CYP2C18: variants seen among roughly 807,000 people sequenced by gnomAD.
CYP2C18 encodes the protein cytochrome P450 2C18.
Under a neutral mutation model 41.3 loss-of-function variants are expected in CYP2C18, and 38 were observed. That is an observed-to-expected ratio of 0.92 (90% CI 0.71 to 1.21). The LOEUF is 1.21. Ranked by LOEUF, CYP2C18 falls within the 50% of genes most tolerant of loss-of-function variation. CYP2C18 has a pLI of 0.00. For synonymous variants in CYP2C18, 236 were observed against 210.0 expected, an observed-to-expected ratio of 1.12 and a Z score of -1.07; for missense variants, 635 against 591.4, an observed-to-expected ratio of 1.07 and a Z score of -0.77.
In CYP2C18 at chr10:94,724,394, C is replaced by T. The variant is rs1250114681; in HGVS notation, c.1010C>T (p.Pro337Leu). Residue 337 changes from proline to leucine, a missense_variant, in exon 7 of 9, where the codon CCC (proline) becomes CTC (leucine). Pro to Leu is a moderately conservative substitution (Grantham distance 98). Coordinates refer to ENST00000285979, the MANE Select transcript of CYP2C18 (RefSeq NM_000772.3). ...IECVVGRNRS[P>L]CMQDRSHMPY... ...TGTGTAGTTGGCAGAAACCGGAGCC[C>T]CTGTATGCAGGACAGGAGTCACATG... 6.2e-7 allele frequency: 1 copy of T among 1,613,424 alleles called. No homozygotes were observed. The highest frequency in any genetic ancestry group is 1.1e-5 in the South Asian group (1 of 91,046).
At chr10:94,686,366 A>G (rs1332348999) in intron 1 of CYP2C18, among the ~76,000 whole-genome samples, 1 of 152,188 alleles carries the variant, frequency 6.6e-6, no homozygotes, top group Non-Finnish European at 1.5e-5. Context: ...TCCTACATGA[A>G]TACATCCTTT....
chr10:94,705,680 GC>G (rs1368263284), intron 4 of CYP2C18, among the ~76,000 whole-genome samples: 1 of 152,020 alleles, frequency 6.6e-6, no homozygotes, highest in Non-Finnish European at 1.5e-5. Flanking sequence ...GGAGAGATGG[GC>G]CCATGGAACT....
intron 5 of CYP2C18, among the ~76,000 whole-genome samples, chr10:94,714,769 A>G (rs1288296254): frequency 6.6e-6 from 1 of 152,196 alleles, no homozygotes; most frequent in African/African-American, 2.4e-5. Context: ...TACCTTGGGA[A>G]GTATGGCCAT....
At chr10:94,720,334 T>G (rs1301216206) in intron 5 of CYP2C18, 62 bp from the exon 6 acceptor site, 4 of 1,460,350 alleles carry the variant, frequency 2.7e-6, no homozygotes, top group African/African-American at 2.8e-5. Context: ...ATATTTTGGA[T>G]TTTTTGTAAT....
rs763429892 is a variant in CYP2C18 at position 94,688,283 on chromosome 10, C to CT, written c.481+19dup. 1,399 of 1,446,938 alleles carry CT rather than the reference C, an allele frequency of 9.7e-4. No homozygotes were observed. The highest frequency in any genetic ancestry group is 1.6e-3 in the Admixed American group (75 of 47,416). The allele number at this position is 1,446,938 out of a possible 1,614,324, so 89.6% of individuals were successfully genotyped here. ...GTTGAGAAAAACCAATGGTGGGTGA[C>CT]TTTTTTTTTTCCTGAAAAATGTTTT... On this transcript the variant is annotated intron_variant, in intron 3 of 8. Transcript: ENST00000285979.
At chr10:94,697,150 G>A (rs899044794) in intron 4 of CYP2C18, among the ~76,000 whole-genome samples, 16 of 152,026 alleles carry the variant, frequency 1.1e-4, no homozygotes, top group African/African-American at 1.9e-4. Context: ...ATACTCCTCG[G>A]GAAGAGCAAC....
At chr10:94,693,594 G>A (rs1847056286) in intron 3 of CYP2C18, among the ~76,000 whole-genome samples, 1 of 151,910 alleles carries the variant, frequency 6.6e-6, no homozygotes, top group African/African-American at 2.4e-5. Context: ...ATGCATGCAT[G>A]CACACACACA....
At position 94,694,722 on chromosome 10, in the gene CYP2C18, C is replaced by T. The variant is rs531113765; in HGVS notation, c.482-195C>T. Among the ~76,000 whole-genome samples, 11 of 152,102 alleles carry T rather than the reference C, an allele frequency of 7.2e-5. No homozygotes were observed. The East Asian group carries it at 2.1e-3, about 29-fold the overall frequency. Reference sequence around the variant, plus strand: ...ATTTGGAAAACCATTATTAAACAAGCTAGGGTGGAATGATTAATTCAGTTT... The same window carrying T: ...ATTTGGAAAACCATTATTAAACAAGTTAGGGTGGAATGATTAATTCAGTTT... On this transcript the variant is annotated intron_variant, in intron 3 of 8. Coordinates refer to ENST00000285979, the MANE Select transcript of CYP2C18 (RefSeq NM_000772.3).
intron 3 of CYP2C18, among the ~76,000 whole-genome samples, chr10:94,690,769 A>G (rs1258361506): frequency 6.6e-6 from 1 of 152,196 alleles, no homozygotes; most frequent in Non-Finnish European, 1.5e-5. Flanking sequence ...TGATGCAAAA[A>G]TCCTCAATAA....
chr10:94,703,390 C>G (rs369583663), intron 4 of CYP2C18, among the ~76,000 whole-genome samples: 4 of 152,204 alleles, frequency 2.6e-5, no homozygotes, highest in Non-Finnish European at 5.9e-5. Context: ...TATCTATAGT[C>G]CCCTACTGGG....
intron 4 of CYP2C18, among the ~76,000 whole-genome samples, chr10:94,696,522 G>A (rs1301059731): frequency 6.6e-6 from 1 of 152,082 alleles, no homozygotes; most frequent in Admixed American, 6.6e-5. Context: ...AAACCACAAA[G>A]ATGGGGAAAA....
intron 5 of CYP2C18, 50 bp downstream of exon 5, chr10:94,707,010 A>G: frequency 6.6e-7 from 1 of 1,518,136 alleles, no homozygotes; most frequent in East Asian, 2.3e-5. Flanking sequence ...GATTAGTTCT[A>G]TAACGATTGC....
intron 4 of CYP2C18, among the ~76,000 whole-genome samples, chr10:94,699,905 G>A (rs1847201139): frequency 6.6e-6 from 1 of 152,018 alleles, no homozygotes; most frequent in Non-Finnish European, 1.5e-5. Flanking sequence ...AAACACCTAG[G>A]AATCCAACTT....
At chr10:94,697,756 C>G (rs997560965) in intron 4 of CYP2C18, among the ~76,000 whole-genome samples, 1 of 152,104 alleles carries the variant, frequency 6.6e-6, no homozygotes. Context: ...CAGAGACATA[C>G]ATAGGCTCAA....
At chr10:94,695,932 G>A (rs1003588822) in intron 4 of CYP2C18, among the ~76,000 whole-genome samples, 11 of 152,156 alleles carry the variant, frequency 7.2e-5, no homozygotes, top group Non-Finnish European at 1.5e-4. Flanking sequence ...ATGAGGCTGG[G>A]GGAGGGGGGC....
At position 94,724,450 on chromosome 10, in the gene CYP2C18, C is replaced by T. The variant is rs1450792008; in HGVS notation, c.1066C>T (p.Gln356Ter). Reference protein sequence around the residue: ...PYTDAVVHEIQRYIDLLPTNL... With the variant: ...PYTDAVVHEI ...CACAGATGCTGTGGTGCACGAGATC[C>T]AGAGATACATTGACCTCCTCCCCAC... Residue 356 changes from glutamine (Q) to a stop codon, truncating the protein, a stop_gained, in exon 7 of 9, where the codon CAG becomes TAG. Transcript: ENST00000285979. LOFTEE classifies it high-confidence loss of function. 1 of 1,613,596 alleles carries T rather than the reference C, an allele frequency of 6.2e-7. No individual in the cohort carries two copies. Among genetic ancestry groups the T allele is most frequent in the African/African-American group, 1.3e-5 (1 of 74,988 alleles).
chr10:94,732,159 T>G lies in CYP2C18; in HGVS notation c.1150-1138T>G, dbSNP rs552546667. Among the ~76,000 whole-genome samples the G allele has an allele frequency of 1.2e-4, 18 of 152,120 alleles. No homozygotes were observed. In the South Asian group the frequency reaches 3.5e-3, roughly 30 times the overall value. On this transcript the variant is annotated intron_variant, in intron 7 of 8. Coordinates refer to ENST00000285979, the MANE Select transcript of CYP2C18 (RefSeq NM_000772.3). ...GAAAACAAATAATGCCATTAAAAAG[T>G]AAAATACATGAACAGACACTGCTCA...
chr10:94,687,039 GAATT>G (rs1199966985), intron 1 of CYP2C18, among the ~76,000 whole-genome samples: 56 of 152,250 alleles, frequency 3.7e-4, no homozygotes, highest in African/African-American at 1.3e-3. Flanking sequence ...ATGAAAGAAA[GAATT>G]AATTAGTCAG....
Position 94,735,320 on chromosome 10 carries a change from C to T in CYP2C18, c.1349C>T (p.Thr450Ile), listed in dbSNP as rs773422485. 6.2e-7 allele frequency: 1 copy of T among 1,613,690 alleles called. No individual in the cohort carries two copies. Among genetic ancestry groups the T allele is most frequent in the South Asian group, 1.1e-5 (1 of 91,070 alleles). ...LARMELFLFL[T>I]TILQNFNLKS... ...CGCATGGAGCTGTTTTTATTCCTGA[C>T]CACCATTTTGCAGAACTTTAACCTG... The change falls in exon 9 of 9, where the codon ACC becomes ATC. Residue 450 changes from threonine (T) to isoleucine (I), a missense_variant. Transcript: ENST00000285979.
Sources: allele counts gnomAD v4.1 joint callset (sites outside exome capture counted in the v4.1 genomes callset), GRCh38; gene constraint gnomAD v4.1.1; transcripts MANE v1.5; gene names NCBI Gene and HGNC (gene_info 2026-07-23, HGNC 2026-07-21).